The following TMEM65 variants were observed in gnomAD, a reference collection of about 807,000 sequenced individuals.
The protein encoded by TMEM65 is transmembrane protein 65.
A neutral mutation model predicts 25.4 loss-of-function variants in TMEM65; 22 were observed. That is an observed-to-expected ratio of 0.86 (90% CI 0.62 to 1.23). The LOEUF (loss-of-function observed/expected upper bound fraction) is 1.23. Among genes scored for constraint, TMEM65 ranks in the 50% most tolerant of loss-of-function variants. The pLI is 0.00. For synonymous variants in TMEM65, 132 were observed against 126.2 expected, an observed-to-expected ratio of 1.05 and a Z score of -0.31; for missense variants, 262 against 308.2, an observed-to-expected ratio of 0.85 and a Z score of 1.12.
At chr8:124,370,423 T>C (rs1353294433) in intron 1 of TMEM65, among the ~76,000 whole-genome samples, 1 of 152,236 alleles carries the variant, frequency 6.6e-6, no homozygotes, top group Non-Finnish European at 1.5e-5. Context: ...CCAAGGAGCA[T>C]ATTTTCAGAA....
At chr8:124,351,698 C>T (rs1336188086) in intron 1 of TMEM65, among the ~76,000 whole-genome samples, 1 of 152,118 alleles carries the variant, frequency 6.6e-6, no homozygotes, top group African/African-American at 2.4e-5. Flanking sequence ...GCCAGGGTCA[C>T]TTCCCCTGAA....
chr8:124,352,769 C>T (rs544542061), intron 1 of TMEM65, among the ~76,000 whole-genome samples: 35 of 152,110 alleles, frequency 2.3e-4, no homozygotes, highest in African/African-American at 7.7e-4. Flanking sequence ...CCTAGAACAG[C>T]GTTTTAGAGC....
chr8:124,348,283 T>G (rs1367822798), intron 1 of TMEM65, among the ~76,000 whole-genome samples: 1 of 148,562 alleles, frequency 6.7e-6, no homozygotes, highest in East Asian at 1.9e-4. Flanking sequence ...CATGGTAGTT[T>G]TTTTTTTTAA....
intron 1 of TMEM65, among the ~76,000 whole-genome samples, chr8:124,342,248 A>T (rs1484281519): frequency 1.3e-5 from 2 of 152,084 alleles, no homozygotes; most frequent in Admixed American, 1.3e-4. Context: ...GAGCAACTAT[A>T]AGCCTAAAGG....
In TMEM65 at chr8:124,320,179, G is replaced by A. The variant is rs148155914; in HGVS notation, c.528C>T (p.Tyr176=). 1.7e-5 allele frequency: 28 copies of A among 1,612,010 alleles called. No homozygotes were observed. In the African/African-American group the frequency reaches 2.9e-4, roughly 17 times the overall value. ...CTAACCTGGAAGCCAATGCTTCAAC[G>A]TAGCCTGCAAGTCTTTGAAGAAACA... ...SDLAGLGLAG[Y]VEALASRLGL... Residue 176 remains tyrosine, a synonymous_variant, in exon 6 of 7, where the codon TAC becomes TAT. Coordinates refer to ENST00000297632, the MANE Select transcript of TMEM65 (RefSeq NM_194291.3).
At chr8:124,331,569 T>C (rs916933029) in intron 1 of TMEM65, among the ~76,000 whole-genome samples, 10 of 151,504 alleles carry the variant, frequency 6.6e-5, no homozygotes, top group Non-Finnish European at 1.5e-4. Flanking sequence ...TCTTTACGTG[T>C]CAACATTATA....
chr8:124,330,700 A>C (rs763724480), intron 2 of TMEM65, 48 bp downstream of exon 2: 67 of 1,554,170 alleles, frequency 4.3e-5, no homozygotes, highest in Non-Finnish European at 5.8e-5. Context: ...AGTTATTTCA[A>C]GGCCAAAAGA....
At chr8:124,351,526 A>G (rs1448414855) in intron 1 of TMEM65, among the ~76,000 whole-genome samples, 2 of 152,210 alleles carry the variant, frequency 1.3e-5, no homozygotes, top group Non-Finnish European at 2.9e-5. Flanking sequence ...GTCTTCTCAT[A>G]TAACTTCTCA....
At chr8:124,371,481 A>G (rs927927815) in intron 1 of TMEM65, among the ~76,000 whole-genome samples, 1 of 152,254 alleles carries the variant, frequency 6.6e-6, no homozygotes, top group African/African-American at 2.4e-5. Flanking sequence ...CACGCTCGCA[A>G]GAAAGCAGCA....
intron 1 of TMEM65, among the ~76,000 whole-genome samples, chr8:124,370,488 T>C (rs1434391905): frequency 6.6e-6 from 1 of 152,218 alleles, no homozygotes; most frequent in Non-Finnish European, 1.5e-5. Context: ...AATGTGCTAG[T>C]GTTTCATTAT....
intron 6 of TMEM65, among the ~76,000 whole-genome samples, chr8:124,319,405 T>A (rs1563589178): frequency 6.6e-6 from 1 of 152,312 alleles, no homozygotes; most frequent in South Asian, 2.1e-4. Flanking sequence ...AGCATTCACA[T>A]ACAATAGCTT....
At chr8:124,316,735 CA>C (rs1814242369) in intron 6 of TMEM65, among the ~76,000 whole-genome samples, 1 of 152,132 alleles carries the variant, frequency 6.6e-6, no homozygotes. Flanking sequence ...CTTCTGATCC[CA>C]ACTTTAATGC....
At chr8:124,354,138 CAA>C (rs1454510243) in intron 1 of TMEM65, among the ~76,000 whole-genome samples, 4 of 151,952 alleles carry the variant, frequency 2.6e-5, no homozygotes, top group African/African-American at 9.7e-5. Flanking sequence ...ACAAAAAACC[CAA>C]AGACATGCTA....
intron 3 of TMEM65, among the ~76,000 whole-genome samples, chr8:124,323,661 A>G (rs1177476098): frequency 6.6e-6 from 1 of 152,094 alleles, no homozygotes; most frequent in East Asian, 1.9e-4. Context: ...TAGAATTTCT[A>G]TTTTTCTACC....
intron 1 of TMEM65, among the ~76,000 whole-genome samples, chr8:124,364,493 A>G (rs72711187): frequency 0.013 from 1,984 of 152,324 alleles, 50 homozygotes; most frequent in East Asian, 0.1. Flanking sequence ...CTACAAATAG[A>G]AGTAACCTCA....
chr8:124,355,978 C>CA (rs999353290), intron 1 of TMEM65, among the ~76,000 whole-genome samples: 6 of 152,038 alleles, frequency 3.9e-5, no homozygotes, highest in Admixed American at 2.0e-4. Flanking sequence ...CAGATACACA[C>CA]AAAAAAGACA....
intron 1 of TMEM65, 116 bp from the exon 2 acceptor site, chr8:124,330,908 C>A: frequency 3.1e-6 from 3 of 978,448 alleles, no homozygotes; most frequent in South Asian, 1.5e-5. Flanking sequence ...AGAGTTTATT[C>A]ATAAATTATC....
chr8:124,331,237 A>G (rs900148559), intron 1 of TMEM65, among the ~76,000 whole-genome samples: 1 of 151,724 alleles, frequency 6.6e-6, no homozygotes, highest in African/African-American at 2.4e-5. Context: ...ATAGATCTAG[A>G]TATCTTTAAA....
At chr8:124,347,155 T>C (rs1237959976) in intron 1 of TMEM65, among the ~76,000 whole-genome samples, 1 of 152,194 alleles carries the variant, frequency 6.6e-6, no homozygotes, top group Non-Finnish European at 1.5e-5. Context: ...TGTTAAGCTT[T>C]CTAAAGTTAA....
Sources: allele counts gnomAD v4.1 joint callset (sites outside exome capture counted in the v4.1 genomes callset), GRCh38; gene constraint gnomAD v4.1.1; transcripts MANE v1.5; gene names NCBI Gene and HGNC (gene_info 2026-07-23, HGNC 2026-07-21).